OR7E24: variants seen among roughly 807,000 people sequenced by gnomAD.
The protein encoded by OR7E24 is olfactory receptor 7E24.
For missense variants in OR7E24, 385 were observed against 410.3 expected, an observed-to-expected ratio of 0.94 and a Z score of 0.53; for synonymous variants, 130 against 157.5, an observed-to-expected ratio of 0.83 and a Z score of 1.31.
chr19:9,236,135 G>GA, the OR7E24 span: 3 of 890,886 alleles, frequency 3.4e-6, no homozygotes, highest in Non-Finnish European at 5.4e-6. Flanking sequence ...AAGCAAATGT[G>GA]AATGCGCATA....
At chr19:9,235,603 T>C in the OR7E24 span, 4 of 1,560,812 alleles carry the variant, frequency 2.6e-6, no homozygotes, top group Admixed American at 3.3e-5. Context: ...CATCATTTTC[T>C]GGTTCTCCCT....
chr19:9,229,867 A>G, the OR7E24 span, among the ~76,000 whole-genome samples: 5 of 152,008 alleles, frequency 3.3e-5, no homozygotes, highest in African/African-American at 7.3e-5. Context: ...AAAAAACACA[A>G]TTGGGTTTAA....
rs1467209601 is a variant in OR7E24 at position 9,251,193 on chromosome 19, G to T, written c.150G>T (p.Leu50=). ...AGCCGGTCCTCGCTGGGCTGTTCCT[G>T]TCCATGTACCTGGTCACGGTGCTGG... The part of the protein sequence containing the change: ...ELQPVLAGLF[L]SMYLVTVLGN... The change falls in exon 1 of 1, where the codon CTG becomes CTT. Residue 50 remains leucine, a synonymous_variant. Transcript: ENST00000456448. 1 of 1,613,912 alleles carries T rather than the reference G, an allele frequency of 6.2e-7. No homozygotes were observed. The highest frequency in any genetic ancestry group is 8.5e-7 in the Non-Finnish European group (1 of 1,180,022).
Position 9,251,310 on chromosome 19 carries a change from C to T in OR7E24, c.267C>T (p.Ile89=), listed in dbSNP as rs371568476. The T allele has an allele frequency of 2.7e-5, 44 of 1,613,958 alleles. No homozygotes were observed. The highest frequency in any genetic ancestry group is 4.0e-5 in the African/African-American group (3 of 74,914). Residue 89 remains isoleucine, a synonymous_variant, in exon 1 of 1, where the codon ATC becomes ATT. Transcript: ENST00000456448. The part of the protein sequence containing the change: ...FFLSNLSLAD[I]GFTSTTVPKM... ...TCTCCAACCTGTCCTTGGCTGACAT[C>T]GGTTTCACCTCCACCACGGTCCCCA... is the stretch of plus-strand genomic sequence containing the variant.
chr19:9,230,705 A>G, the OR7E24 span, among the ~76,000 whole-genome samples: 1 of 151,778 alleles, frequency 6.6e-6, no homozygotes, highest in Non-Finnish European at 1.5e-5. Flanking sequence ...ATTCTATATC[A>G]TTGTTGTTGT....
the OR7E24 span, among the ~76,000 whole-genome samples, chr19:9,215,499 C>A: frequency 6.6e-6 from 1 of 151,878 alleles, no homozygotes; most frequent in East Asian, 1.9e-4. Flanking sequence ...AATCCCCATG[C>A]TTCCTTCATT....
the OR7E24 span, chr19:9,236,058 TAGC>T: frequency 6.4e-7 from 1 of 1,571,298 alleles, no homozygotes; most frequent in East Asian, 2.2e-5. Context: ...GGAGACTCCT[TAGC>T]AGGGCAGCCT....
At chr19:9,245,741 A>T (rs893989228), upstream of OR7E24, among the ~76,000 whole-genome samples, 3 of 152,246 alleles carry the variant, frequency 2.0e-5, no homozygotes, top group African/African-American at 7.2e-5. Context: ...TCTCTATTTC[A>T]ATCTATTCCT....
the OR7E24 span, among the ~76,000 whole-genome samples, chr19:9,234,506 G>A: frequency 6.6e-6 from 1 of 152,168 alleles, no homozygotes; most frequent in African/African-American, 2.4e-5. Flanking sequence ...TTTTGATCAA[G>A]AGCAAAGTAG....
At chr19:9,219,460 A>G in the OR7E24 span, 2 of 152,190 alleles carry the variant, frequency 1.3e-5, no homozygotes, top group Admixed American at 1.3e-4. Flanking sequence ...TTCCAGGCTC[A>G]TTACTGTGAA....
chr19:9,248,869 G>A (rs1041892609), upstream of OR7E24, among the ~76,000 whole-genome samples: 7 of 152,200 alleles, frequency 4.6e-5, no homozygotes, highest in African/African-American at 1.7e-4. Context: ...CAATGAAGAA[G>A]TTTAGTGCCA....
chr19:9,220,381 C>A, the OR7E24 span, among the ~76,000 whole-genome samples: 1 of 152,196 alleles, frequency 6.6e-6, no homozygotes, highest in Non-Finnish European at 1.5e-5. Flanking sequence ...GGTCTGGTAA[C>A]CAACATTCTA....
Position 9,251,612 on chromosome 19 carries a change from T to A in OR7E24, c.569T>A (p.Val190Glu). 6.2e-7 allele frequency: 1 copy of A among 1,613,430 alleles called. No individual in the cohort carries two copies. The highest frequency in any genetic ancestry group is 8.5e-7 in the Non-Finnish European group (1 of 1,179,714). Residue 190 changes from valine to glutamate, a missense_variant, in exon 1 of 1, where the codon GTG becomes GAG. Coordinates refer to ENST00000456448, the MANE Select transcript of OR7E24 (RefSeq NM_001079935.2). ...IMLQLTCFKD[V>E]DISNFFCDPS... ...TTACAGCTCACCTGCTTCAAGGATG[T>A]GGACATTTCTAATTTCTTCTGTGAC...
upstream of OR7E24, among the ~76,000 whole-genome samples, chr19:9,245,316 T>C (rs1433844443): frequency 6.6e-6 from 1 of 151,944 alleles, no homozygotes; most frequent in Non-Finnish European, 1.5e-5. Flanking sequence ...CCAGCATCAC[T>C]CATCAATAGG....
At chr19:9,206,778 G>A in the OR7E24 span, 2 of 152,236 alleles carry the variant, frequency 1.3e-5, no homozygotes, top group South Asian at 2.1e-4. Context: ...TTCACAGTTC[G>A]TGTGGAAATT....
At chr19:9,208,218 G>A in the OR7E24 span, 11 of 152,114 alleles carry the variant, frequency 7.2e-5, no homozygotes, top group African/African-American at 2.7e-4. Flanking sequence ...TGTAATTTTA[G>A]TGGAGACGGG....
At chr19:9,224,028 T>C in the OR7E24 span, among the ~76,000 whole-genome samples, 4 of 152,186 alleles carry the variant, frequency 2.6e-5, no homozygotes, top group East Asian at 7.8e-4. Context: ...TTTTTTGTAT[T>C]TTTAATAGAG....
the OR7E24 span, chr19:9,207,709 C>G: frequency 6.6e-6 from 1 of 152,236 alleles, no homozygotes; most frequent in Admixed American, 6.5e-5. Flanking sequence ...CATTGTCTTT[C>G]TGTTCCCTTC....
chr19:9,221,517 C>T, the OR7E24 span, among the ~76,000 whole-genome samples: 496 of 128,562 alleles, frequency 3.9e-3, 1 homozygote, highest in Non-Finnish European at 5.5e-3. Context: ...CGCCCGGCTA[C>T]TTTTTTGTAT....
Sources: allele counts gnomAD v4.1 joint callset (sites outside exome capture counted in the v4.1 genomes callset), GRCh38; gene constraint gnomAD v4.1.1; transcripts MANE v1.5; gene names NCBI Gene and HGNC (gene_info 2026-07-23, HGNC 2026-07-21).